The following MYT1L variants were observed in gnomAD, a reference collection of about 807,000 sequenced individuals.
The protein encoded by MYT1L is myelin transcription factor 1-like protein.
A neutral mutation model predicts 126.7 loss-of-function variants in MYT1L; 12 were observed. The ratio of observed to expected loss-of-function variants is 0.09; its 90% CI spans 0.06 to 0.15. MYT1L has a LOEUF of 0.15. Ranked by LOEUF, MYT1L falls within the 10% of genes least tolerant of loss-of-function variation. MYT1L has a pLI of 1.00. For synonymous variants in MYT1L, 541 were observed against 604.2 expected, an observed-to-expected ratio of 0.90 and a Z score of 1.53; for missense variants, 979 against 1,585.2, an observed-to-expected ratio of 0.62 and a Z score of 6.49.
At chr2:1,944,376 G>C (rs1007379469) in intron 8 of MYT1L, among the ~76,000 whole-genome samples, 16 of 152,232 alleles carry the variant, frequency 1.1e-4, no homozygotes, top group Admixed American at 4.6e-4. Flanking sequence ...AAAAATAGGT[G>C]GGTTAGGGGA....
intron 4 of MYT1L, among the ~76,000 whole-genome samples, chr2:2,006,148 A>G (rs1177981044): frequency 6.6e-6 from 1 of 151,996 alleles, no homozygotes; most frequent in African/African-American, 2.4e-5. Flanking sequence ...TCTTTCACTC[A>G]TGGCTTCTTT....
In MYT1L at chr2:2,243,724, T is replaced by C. The variant is rs764888643; in HGVS notation, c.-421+40680A>G. On this transcript the variant is annotated intron_variant, in intron 2 of 24. Transcript: ENST00000647738. The stretch of plus-strand genomic sequence containing the variant: ...GCACACGCAGGAATCCAAATGAGTG[T>C]CTGTCTCATATTTTTGTCTTTTGTT... Among the ~76,000 whole-genome samples, 4 of 152,318 alleles carry C rather than the reference T, an allele frequency of 2.6e-5. No homozygotes were observed. In the East Asian group the frequency reaches 7.7e-4, roughly 29 times the overall value.
At chr2:2,269,665 C>A (rs1394941949) in intron 2 of MYT1L, among the ~76,000 whole-genome samples, 1 of 152,138 alleles carries the variant, frequency 6.6e-6, no homozygotes, top group Middle Eastern at 3.2e-3. Flanking sequence ...TCTCCAGTAG[C>A]CCCTGGATTT....
intron 18 of MYT1L, among the ~76,000 whole-genome samples, chr2:1,860,112 G>A (rs551675872): frequency 7.9e-5 from 12 of 152,296 alleles, no homozygotes; most frequent in Admixed American, 2.0e-4. Context: ...GCCGAAAGGC[G>A]CCCCAAGTAC....
chr2:2,092,306 A>AGG (rs35974359), intron 3 of MYT1L, among the ~76,000 whole-genome samples: 34 of 151,848 alleles, frequency 2.2e-4, no homozygotes, highest in African/African-American at 6.3e-4. Context: ...TCAGTTTAGA[A>AGG]GGGGGAGATA....
At chr2:2,205,830 C>T (rs182659631) in intron 2 of MYT1L, among the ~76,000 whole-genome samples, 43 of 152,262 alleles carry the variant, frequency 2.8e-4, no homozygotes, top group Non-Finnish European at 4.7e-4. Flanking sequence ...AAAATCCTTA[C>T]GTGGTCAACC....
chr2:1,892,237 A>AGCTGCTGGT lies in MYT1L; in HGVS notation c.2074_2082dup (p.Thr692_Ser694dup), dbSNP rs2048979784. Reference sequence around the variant, plus strand: ...AGGTTGCTGCTGCTGCTGGGCGCGTAGCTGCTGGTGCTGCTGCTGCTGGGG... The same window carrying AGCTGCTGGT: ...AGGTTGCTGCTGCTGCTGGGCGCGTAGCTGCTGGTGCTGCTGGTGCTGCTGCTGCTGGGG... On this transcript the variant is annotated inframe_insertion, in exon 15 of 25. Coordinates refer to ENST00000647738, the MANE Select transcript of MYT1L (RefSeq NM_001303052.2). The AGCTGCTGGT allele has an allele frequency of 1.3e-6, 2 of 1,549,938 alleles. No individual in the cohort carries two copies. The highest frequency in any genetic ancestry group is 1.4e-5 in the African/African-American group (1 of 72,998).
At chr2:2,291,697 T>A (rs1232140969) in intron 1 of MYT1L, among the ~76,000 whole-genome samples, 1 of 152,210 alleles carries the variant, frequency 6.6e-6, no homozygotes, top group Non-Finnish European at 1.5e-5. Context: ...CTGGGTGCGG[T>A]TGCAGGTGGA....
chr2:1,895,718 T>C (rs1469440165), intron 14 of MYT1L, among the ~76,000 whole-genome samples: 2 of 152,192 alleles, frequency 1.3e-5, no homozygotes, highest in East Asian at 3.9e-4. Flanking sequence ...ATGTAAGATG[T>C]CAAACTATAA....
At chr2:1,999,480 G>A (rs1392804921) in intron 4 of MYT1L, among the ~76,000 whole-genome samples, 2 of 152,118 alleles carry the variant, frequency 1.3e-5, no homozygotes, top group Non-Finnish European at 2.9e-5. Context: ...TCTTAAATAT[G>A]TAGAAAAATA....
intron 21 of MYT1L, among the ~76,000 whole-genome samples, chr2:1,826,429 G>A (rs576505790): frequency 2.6e-5 from 4 of 152,276 alleles, no homozygotes; most frequent in South Asian, 4.1e-4. Flanking sequence ...ACAAAGCAGG[G>A]TCGCGCTCCA....
At chr2:2,201,470 C>G (rs1210146835) in intron 2 of MYT1L, among the ~76,000 whole-genome samples, 1 of 152,118 alleles carries the variant, frequency 6.6e-6, no homozygotes, top group Non-Finnish European at 1.5e-5. Context: ...GAGACCAAGG[C>G]AGGCGGATCA....
At chr2:2,243,826 T>C (rs992759679) in intron 2 of MYT1L, among the ~76,000 whole-genome samples, 23 of 152,284 alleles carry the variant, frequency 1.5e-4, no homozygotes, top group African/African-American at 5.5e-4. Flanking sequence ...CACATTTCAG[T>C]ATATGAAGCA....
intron 3 of MYT1L, among the ~76,000 whole-genome samples, chr2:2,137,736 T>C (rs2083277287): frequency 2.6e-5 from 4 of 151,936 alleles, no homozygotes; most frequent in African/African-American, 4.8e-5. Flanking sequence ...CCATAAAAAC[T>C]CTAGAAGAAA....
intron 3 of MYT1L, among the ~76,000 whole-genome samples, chr2:2,146,980 T>G (rs899584636): frequency 2.0e-5 from 3 of 152,174 alleles, no homozygotes; most frequent in African/African-American, 7.2e-5. Context: ...TCTGAGATCA[T>G]CTCTTAGCTT....
At chr2:1,886,259 A>G in intron 18 of MYT1L, 1 of 325,222 alleles carries the variant, frequency 3.1e-6, no homozygotes, top group Non-Finnish European at 5.5e-6. Context: ...TTCCATATGC[A>G]TGCATATCTG....
intron 3 of MYT1L, among the ~76,000 whole-genome samples, chr2:2,086,881 C>G (rs1459541676): frequency 6.6e-6 from 1 of 152,238 alleles, no homozygotes; most frequent in Non-Finnish European, 1.5e-5. Context: ...TGCCTCACAG[C>G]TCCGGGGATG....
intron 2 of MYT1L, among the ~76,000 whole-genome samples, chr2:2,237,295 T>G (rs1234270138): frequency 6.6e-6 from 1 of 152,114 alleles, no homozygotes; most frequent in Non-Finnish European, 1.5e-5. Context: ...ACCAGCACTT[T>G]TCACACAACC....
rs1479330136 is a variant in MYT1L, at chr2:1,839,142, C to T, written c.3080+7G>A. 1 of 1,602,828 alleles carries T rather than the reference C, an allele frequency of 6.2e-7. No homozygotes were observed. Among genetic ancestry groups the T allele is most frequent in the African/African-American group, 1.3e-5 (1 of 74,874 alleles). The stretch of plus-strand genomic sequence containing the variant: ...CCAGCCAGGGTCCCGCAGACGCGGC[C>T]ACTCACCTGCGGTGTGTGAGGAAGC... On this transcript the variant is annotated splice_region_variant and intron_variant, in intron 21 of 24. Transcript: ENST00000647738.
Sources: gnomAD v4.1 joint callset for allele counts (sites outside exome capture counted in the v4.1 genomes callset) on GRCh38, gnomAD v4.1.1 for gene constraint, MANE v1.5 for transcripts, NCBI Gene and HGNC (gene_info 2026-07-23, HGNC 2026-07-21) for gene names.